The following PDZD2 variants were observed in gnomAD, a reference collection of about 807,000 sequenced individuals.
The protein encoded by PDZD2 is PDZ domain containing 2.
Under a neutral mutation model 220.7 loss-of-function variants are expected in PDZD2, and 90 were observed. The ratio of observed to expected loss-of-function variants is 0.41; its 90% CI spans 0.34 to 0.49. The LOEUF (loss-of-function observed/expected upper bound fraction) is 0.49. Among genes scored for constraint, PDZD2 ranks in the 20% least tolerant of loss-of-function variants. The probability of loss-of-function intolerance (pLI) is 0.28; values close to 1 mark genes in which losing one functional copy is unlikely to be tolerated. For synonymous variants in PDZD2, 1,375 were observed against 1,450.5 expected, an observed-to-expected ratio of 0.95 and a Z score of 1.18; for missense variants, 3,174 against 3,608.5, an observed-to-expected ratio of 0.88 and a Z score of 3.08.
intron 2 of PDZD2, among the ~76,000 whole-genome samples, chr5:31,821,639 A>G (rs1755869610): frequency 1.3e-5 from 2 of 152,086 alleles, no homozygotes; most frequent in African/African-American, 4.8e-5. Context: ...TCGGCCTCCC[A>G]AAGTGCTGGG....
chr5:31,854,522 AC>A (rs1758256174), intron 2 of PDZD2, among the ~76,000 whole-genome samples: 1 of 152,154 alleles, frequency 6.6e-6, no homozygotes, highest in Non-Finnish European at 1.5e-5. Context: ...TGGGGGCTCC[AC>A]CCCTGTAAGA....
In PDZD2 at chr5:31,775,684, T is replaced by TGTGTGTGTGA. The variant is rs1554073344; in HGVS notation, c.-360-23196_-360-23195insAGTGTGTGTG. ...CAGAGCGTGTGTGTGTGTGTGTGTG[T>TGTGTGTGTGA]GTGTGTGTGTGTGTGTGTGTGTAGT... On this transcript the variant is annotated intron_variant, in intron 1 of 24. Transcript: ENST00000438447. Among the ~76,000 whole-genome samples the TGTGTGTGTGA allele has an allele frequency of 1.6e-3, 248 of 151,306 alleles. 6 individuals carry two copies. The South Asian group carries it at 0.033, about 20-fold the overall frequency.
At chr5:32,042,521 C>A (rs1481191820) in intron 7 of PDZD2, among the ~76,000 whole-genome samples, 1 of 152,052 alleles carries the variant, frequency 6.6e-6, no homozygotes, top group Non-Finnish European at 1.5e-5. Flanking sequence ...TGCAGTGAAC[C>A]AAGATTGCGC....
intron 1 of PDZD2, among the ~76,000 whole-genome samples, chr5:31,643,566 C>G (rs1318019114): frequency 1.3e-5 from 2 of 152,172 alleles, no homozygotes; most frequent in Non-Finnish European, 2.9e-5. Context: ...ACAACCAGAA[C>G]TAGAGTCACA....
At chr5:32,071,319 A>G in intron 15 of PDZD2, 65 bp from the exon 16 acceptor site, 1 of 1,121,262 alleles carries the variant, frequency 8.9e-7, no homozygotes, top group Non-Finnish European at 1.4e-6. Context: ...CTAGTTAAGG[A>G]TGTGAGCCTA....
At chr5:31,643,234 G>T (rs1385546105) in intron 1 of PDZD2, among the ~76,000 whole-genome samples, 4 of 152,216 alleles carry the variant, frequency 2.6e-5, no homozygotes, top group Admixed American at 6.5e-5. Context: ...GAAGGCAGGA[G>T]TTTTTAGCAG....
At chr5:32,056,447 A>G (rs755691982) in intron 10 of PDZD2, among the ~76,000 whole-genome samples, 11 of 152,202 alleles carry the variant, frequency 7.2e-5, no homozygotes, top group African/African-American at 9.7e-5. Flanking sequence ...ATGCTGTGCA[A>G]AGTTCATCTG....
intron 1 of PDZD2, among the ~76,000 whole-genome samples, chr5:31,640,712 C>T (rs535334721): frequency 6.9e-4 from 105 of 152,136 alleles, no homozygotes; most frequent in Non-Finnish European, 1.2e-3. Flanking sequence ...AGTGGGAGTG[C>T]TGCTTGTGGG....
At chr5:31,758,197 C>G (rs1751413394) in intron 1 of PDZD2, among the ~76,000 whole-genome samples, 1 of 152,236 alleles carries the variant, frequency 6.6e-6, no homozygotes, top group African/African-American at 2.4e-5. Flanking sequence ...GAGCCTGGAC[C>G]TTAACTCATT....
intron 1 of PDZD2, among the ~76,000 whole-genome samples, chr5:31,705,110 G>T (rs749638586): frequency 6.6e-6 from 1 of 151,962 alleles, no homozygotes; most frequent in Non-Finnish European, 1.5e-5. Flanking sequence ...GCAGTGAGCC[G>T]AGACTGTGCC....
chr5:31,742,603 G>C (rs1240481027), intron 1 of PDZD2, among the ~76,000 whole-genome samples: 1 of 150,822 alleles, frequency 6.6e-6, no homozygotes, highest in Admixed American at 6.6e-5. Context: ...AACAGCTGAG[G>C]CTGTGGATTC....
chr5:31,652,345 C>T (rs948630926), intron 1 of PDZD2, among the ~76,000 whole-genome samples: 1 of 152,144 alleles, frequency 6.6e-6, no homozygotes, highest in East Asian at 1.9e-4. Flanking sequence ...CCATCTTCAT[C>T]TTAGCATAGC....
intron 2 of PDZD2, among the ~76,000 whole-genome samples, chr5:31,971,739 A>C (rs1749314781): frequency 6.7e-6 from 1 of 149,408 alleles, no homozygotes; most frequent in Non-Finnish European, 1.5e-5. Flanking sequence ...AACATAATAC[A>C]TTTCACATTC....
At position 32,037,638 on chromosome 5, in the gene PDZD2, C is replaced by CT. The variant is rs1175019261; in HGVS notation, c.1519+299dup. Among the ~76,000 whole-genome samples, 3 of 152,212 alleles carry CT rather than the reference C, an allele frequency of 2.0e-5. No individual in the cohort carries two copies. In the East Asian group the frequency reaches 5.8e-4, roughly 29 times the overall value. ...TACTTCGATCAGATTTCACATGATC[C>CT]TTTCAATGTGGAGTTAATATCAAAT... On this transcript the variant is annotated intron_variant, in intron 7 of 24. Coordinates refer to ENST00000438447, the MANE Select transcript of PDZD2 (RefSeq NM_178140.4).
chr5:31,690,759 G>A (rs1314944429), intron 1 of PDZD2, among the ~76,000 whole-genome samples: 2 of 152,196 alleles, frequency 1.3e-5, no homozygotes, highest in African/African-American at 4.8e-5. Flanking sequence ...CTCCTTTCAA[G>A]ATTCTGAAGC....
chr5:32,073,224 T>A (rs1305538694), intron 17 of PDZD2, among the ~76,000 whole-genome samples: 1 of 152,202 alleles, frequency 6.6e-6, no homozygotes, highest in East Asian at 1.9e-4. Flanking sequence ...TTTGCTCTGT[T>A]CTTATAGAAA....
chr5:31,697,802 C>T (rs540079781), intron 1 of PDZD2, among the ~76,000 whole-genome samples: 1 of 152,318 alleles, frequency 6.6e-6, no homozygotes, highest in African/African-American at 2.4e-5. Flanking sequence ...ACCTTTGGGT[C>T]TGGTTGGGAT....
chr5:31,686,078 T>C lies in PDZD2; in HGVS notation c.-361+46641T>C, dbSNP rs201675925. On this transcript the variant is annotated intron_variant, in intron 1 of 24. Transcript: ENST00000438447. The stretch of plus-strand genomic sequence containing the variant: ...CCAGGTATGGTCCCAGCTACCCTAC[T>C]ACCCTACCCTACTACCCAGGTAGTA... 3.4e-5 allele frequency among the ~76,000 whole-genome samples: 5 copies of C among 148,200 alleles called. No homozygotes were observed. The South Asian group carries it at 1.1e-3, about 32-fold the overall frequency.
At chr5:32,080,541 G>A (rs1293207744) in intron 19 of PDZD2, among the ~76,000 whole-genome samples, 1 of 151,924 alleles carries the variant, frequency 6.6e-6, no homozygotes, top group East Asian at 1.9e-4. Context: ...GATTTGCTTT[G>A]GAATAGAAGA....
Sources: gnomAD v4.1 joint callset for allele counts (sites outside exome capture counted in the v4.1 genomes callset) on GRCh38, gnomAD v4.1.1 for gene constraint, MANE v1.5 for transcripts, NCBI Gene and HGNC (gene_info 2026-07-23, HGNC 2026-07-21) for gene names.